RGS20: variants seen among roughly 807,000 people sequenced by gnomAD.
The protein encoded by RGS20 is gz-selective GTPase-activating protein.
Under a neutral mutation model 33.6 loss-of-function variants are expected in RGS20, and 30 were observed. The observed-to-expected ratio is 0.89, with a 90% CI of 0.67 to 1.21. RGS20 has a LOEUF of 1.21. Ranked by LOEUF, RGS20 falls within the 50% of genes most tolerant of loss-of-function variation. RGS20 has a pLI of 0.00. For missense variants in RGS20, 472 were observed against 502.4 expected (o/e 0.94, Z 0.58); for synonymous variants, 208 against 197.9 (o/e 1.05, Z -0.43).
chr8:53,866,400 T>G (rs1267698956), intron 1 of RGS20, among the ~76,000 whole-genome samples: 2 of 151,402 alleles, frequency 1.3e-5, no homozygotes, highest in African/African-American at 4.9e-5. Flanking sequence ...TTTTTTTTTT[T>G]GAGTCTTGCT....
In RGS20 at chr8:53,958,276, T is replaced by C. The variant is rs776928735; in HGVS notation, c.985T>C (p.Leu329=). Residue 329 remains leucine (L), a synonymous_variant, in exon 6 of 6, where the codon TTA becomes CTA. Coordinates refer to ENST00000297313, the MANE Select transcript of RGS20 (RefSeq NM_170587.4). ...TACTCGTTTCTGTCGACAGGTGAGC[T>C]TAGACTCCCGGGTGAGAGAAGTGAT... is the stretch of plus-strand genomic sequence containing the variant. 6.2e-7 allele frequency: 1 copy of C among 1,608,248 alleles called. No individual in the cohort carries two copies. The highest frequency in any genetic ancestry group is 2.3e-5 in the East Asian group (1 of 44,398).
chr8:53,941,342 T>C (rs150611918), intron 3 of RGS20, among the ~76,000 whole-genome samples: 1 of 151,584 alleles, frequency 6.6e-6, no homozygotes, highest in East Asian at 1.9e-4. Context: ...AATTCAAGAG[T>C]GTGGGTAAAA....
intron 2 of RGS20, among the ~76,000 whole-genome samples, chr8:53,920,091 T>A (rs753147758): frequency 6.6e-6 from 1 of 152,114 alleles, no homozygotes; most frequent in Non-Finnish European, 1.5e-5. Flanking sequence ...CCTAGGCTGA[T>A]CTTAAACTCC....
chr8:53,884,573 A>T (rs1424778360), intron 2 of RGS20, among the ~76,000 whole-genome samples: 1 of 152,178 alleles, frequency 6.6e-6, no homozygotes, highest in Non-Finnish European at 1.5e-5. Flanking sequence ...TTTACAGATG[A>T]GGAAACATTC....
At chr8:53,889,356 C>T (rs1478937710) in intron 2 of RGS20, among the ~76,000 whole-genome samples, 1 of 148,496 alleles carries the variant, frequency 6.7e-6, no homozygotes, top group Non-Finnish European at 1.5e-5. Flanking sequence ...ATTTAAAATG[C>T]CTCTACAAGC....
At position 53,928,996 on chromosome 8, in the gene RGS20, T is replaced by C. The variant is rs118053485; in HGVS notation, c.511-10580T>C. Among the ~76,000 whole-genome samples, 1,142 of 152,312 alleles carry C rather than the reference T, an allele frequency of 7.5e-3. 9 individuals are homozygous for C. The highest frequency in any genetic ancestry group is 0.012 in the Non-Finnish European group (836 of 68,022). On this transcript the variant is annotated intron_variant, in intron 2 of 5. Coordinates refer to ENST00000297313, the MANE Select transcript of RGS20 (RefSeq NM_170587.4). The stretch of plus-strand genomic sequence containing the variant: ...AATAACAAGGAATGACTTATTGATA[T>C]ATGCAACAATCTCAAAACAATCATG...
intron 2 of RGS20, among the ~76,000 whole-genome samples, chr8:53,911,562 T>TTA (rs34215280): frequency 6.6e-6 from 1 of 151,834 alleles, no homozygotes; most frequent in South Asian, 2.1e-4. Flanking sequence ...ATTTAAAATA[T>TTA]AGTCATATGG....
intron 1 of RGS20, among the ~76,000 whole-genome samples, chr8:53,865,100 G>C (rs924805089): frequency 2.6e-5 from 4 of 152,236 alleles, no homozygotes; most frequent in Non-Finnish European, 5.9e-5. Flanking sequence ...GGAACCACTG[G>C]AAAAGCTATA....
intron 2 of RGS20, among the ~76,000 whole-genome samples, chr8:53,926,739 C>T (rs1813809059): frequency 6.6e-6 from 1 of 152,016 alleles, no homozygotes; most frequent in Admixed American, 6.6e-5. Context: ...TGGTGAAACC[C>T]CATCTCTACT....
intron 2 of RGS20, among the ~76,000 whole-genome samples, chr8:53,897,866 A>G (rs1812911443): frequency 6.6e-6 from 1 of 152,240 alleles, no homozygotes; most frequent in Non-Finnish European, 1.5e-5. Context: ...GCTTTTAGTT[A>G]TGGAAAGGAC....
At chr8:53,912,031 C>CA (rs952238358) in intron 2 of RGS20, among the ~76,000 whole-genome samples, 2 of 151,412 alleles carry the variant, frequency 1.3e-5, no homozygotes, top group African/African-American at 4.9e-5. Context: ...CAAAGATGGC[C>CA]AAAAAAAGGA....
rs890170559 is a variant in RGS20 at position 53,917,050 on chromosome 8, A to G, written c.511-22526A>G. ...TCAATTAATGAATTTTGTGGTAGAC[A>G]TAAACATTCAGTCTGTAGCACTGAG... On this transcript the variant is annotated intron_variant, in intron 2 of 5. Transcript: ENST00000297313. Among the ~76,000 whole-genome samples, 9 of 152,316 alleles carry G rather than the reference A, an allele frequency of 5.9e-5. No individual in the cohort carries two copies. In the East Asian group the frequency reaches 1.2e-3, roughly 20 times the overall value.
intron 2 of RGS20, among the ~76,000 whole-genome samples, chr8:53,932,476 C>T (rs979190772): frequency 1.6e-4 from 25 of 152,108 alleles, no homozygotes; most frequent in African/African-American, 5.3e-4. Context: ...CTTGAGTAGG[C>T]GGTTTTCCCC....
intron 2 of RGS20, among the ~76,000 whole-genome samples, chr8:53,913,213 G>A (rs184646144): frequency 2.8e-4 from 42 of 152,116 alleles, no homozygotes; most frequent in African/African-American, 8.0e-4. Flanking sequence ...TGATCCACCC[G>A]CCTCAGGCTC....
intron 2 of RGS20, among the ~76,000 whole-genome samples, chr8:53,933,305 C>T (rs1013697617): frequency 6.6e-6 from 1 of 152,064 alleles, no homozygotes; most frequent in African/African-American, 2.4e-5. Context: ...AGGTAATAAA[C>T]TCCTCTGAGC....
intron 2 of RGS20, among the ~76,000 whole-genome samples, chr8:53,921,739 T>C (rs1238191617): frequency 2.6e-5 from 4 of 152,146 alleles, no homozygotes; most frequent in African/African-American, 9.6e-5. Context: ...TCTTCATTTT[T>C]CTTCATCAAC....
chr8:53,949,985 G>A (rs184648006), intron 4 of RGS20, among the ~76,000 whole-genome samples: 71 of 151,534 alleles, frequency 4.7e-4, no homozygotes, highest in Admixed American at 3.1e-3. Flanking sequence ...GATTACAGGC[G>A]CCCACCACCA....
chr8:53,879,212 A>G (rs1400268117), intron 1 of RGS20: 1 of 1,525,348 alleles, frequency 6.6e-7, no homozygotes, highest in Admixed American at 1.7e-5. Context: ...GCGGCCGGAC[A>G]CCACAGTAAC....
intron 2 of RGS20, among the ~76,000 whole-genome samples, chr8:53,883,224 T>G (rs1184547313): frequency 6.6e-6 from 1 of 151,850 alleles, no homozygotes; most frequent in East Asian, 1.9e-4. Context: ...TGGCGCGATC[T>G]CGGCTCACTG....
Sources: gnomAD v4.1 joint callset for allele counts (sites outside exome capture counted in the v4.1 genomes callset) on GRCh38, gnomAD v4.1.1 for gene constraint, MANE v1.5 for transcripts, NCBI Gene and HGNC (gene_info 2026-07-23, HGNC 2026-07-21) for gene names.